TNFAIP8L1: variants seen among roughly 807,000 people sequenced by gnomAD.
TNFAIP8L1 encodes tumor necrosis factor alpha-induced protein 8-like protein 1.
For synonymous variants in TNFAIP8L1, 127 were observed against 125.6 expected, an observed-to-expected ratio of 1.01 and a Z score of -0.08; for missense variants, 225 against 266.1, an observed-to-expected ratio of 0.85 and a Z score of 1.08.
chr19:4,651,874 A>T lies in TNFAIP8L1; in HGVS notation c.5A>T (p.Asp2Val). The change falls in exon 2 of 2, where the codon GAC becomes GTC. Residue 2 changes from aspartate (D) to valine (V), a missense_variant. Physicochemically the swap from Asp to Val is radical, Grantham distance 152. Coordinates refer to ENST00000327473, the MANE Select transcript of TNFAIP8L1 (RefSeq NM_152362.3). ...GGTCTGTGTCCCCCGCAGGCCATGG[A>T]CACCTTCAGCACCAAGAGCCTGGCT... M[D>V]TFSTKSLALQ... 6.3e-7 allele frequency: 1 copy of T among 1,599,336 alleles called. No homozygotes were observed. Among genetic ancestry groups the T allele is most frequent in the Non-Finnish European group, 8.6e-7 (1 of 1,169,196 alleles).
Position 4,644,605 on chromosome 19 carries a change from A to ATTTTTT in TNFAIP8L1, c.-4+4996_-4+5001dup, listed in dbSNP as rs553560316. 5.9e-4 allele frequency among the ~76,000 whole-genome samples: 52 copies of ATTTTTT among 88,736 alleles called. 5 individuals are homozygous for ATTTTTT. Among genetic ancestry groups the ATTTTTT allele is most frequent in the African/African-American group, 1.6e-3 (33 of 20,774 alleles). The allele number at this position is 88,736 out of a possible 152,430, so 58.2% of individuals were successfully genotyped here. A position where few individuals can be genotyped will look rare whatever the true frequency, so the allele number is the denominator to read the frequency against. ...CCGGCTTGCAAGTCCTGAGTCATGG[A>ATTTTTT]TTTTTTTTTTTTTTTTTTTTTTTTT... On this transcript the variant is annotated intron_variant, in intron 1 of 1. Transcript: ENST00000327473.
chr19:4,640,745 C>G (rs1201231475), intron 1 of TNFAIP8L1: 1 of 152,358 alleles, frequency 6.6e-6, no homozygotes, highest in African/African-American at 2.4e-5. Flanking sequence ...GAGGTCCTCT[C>G]TCAGGGCCTT....
At chr19:4,651,392 C>T (rs989840224) in intron 1 of TNFAIP8L1, among the ~76,000 whole-genome samples, 5 of 151,686 alleles carry the variant, frequency 3.3e-5, no homozygotes, top group Non-Finnish European at 7.4e-5. Context: ...GTTGCCCAGG[C>T]TGGTCTCAAA....
intron 1 of TNFAIP8L1, among the ~76,000 whole-genome samples, chr19:4,643,789 G>T (rs987029253): frequency 6.6e-6 from 1 of 151,734 alleles, no homozygotes; most frequent in Non-Finnish European, 1.5e-5. Flanking sequence ...ACAAAACTTA[G>T]CCAGGCATGG....
rs1390040437 is a variant in TNFAIP8L1, at chr19:4,653,320, G to A, written c.*890G>A. On this transcript the variant is annotated 3_prime_UTR_variant, in exon 2 of 2. Transcript: ENST00000327473. ...CTCTGTCTCAAAAAAAGAAGCGGGG[G>A]AGTGGGGGATTGAGGCCACGTGCAG... is the stretch of plus-strand genomic sequence containing the variant. 2 of 166,734 alleles carry A rather than the reference G, an allele frequency of 1.2e-5. No homozygotes were observed. Among genetic ancestry groups the A allele is most frequent in the African/African-American group, 2.4e-5 (1 of 41,176 alleles). The allele number at this position is 166,734 out of a possible 1,614,324, so 10.3% of individuals were successfully genotyped here. A position where few individuals can be genotyped will look rare whatever the true frequency, so the allele number is the denominator to read the frequency against.
At chr19:4,642,828 G>A (rs895731452) in intron 1 of TNFAIP8L1, among the ~76,000 whole-genome samples, 1 of 152,072 alleles carries the variant, frequency 6.6e-6, no homozygotes, top group Non-Finnish European at 1.5e-5. Context: ...CCCAAGGGAG[G>A]TGGGAGCCAT....
rs779515578 is a variant in TNFAIP8L1, at chr19:4,652,441, C to T, written c.*11C>T. 80 of 1,494,772 alleles carry T rather than the reference C, an allele frequency of 5.4e-5. No individual in the cohort carries two copies. The African/African-American group carries it at 6.8e-4, about 13-fold the overall frequency. The allele number at this position is 1,494,772 out of a possible 1,614,324, so 92.6% of individuals were successfully genotyped here. A position where few individuals can be genotyped will look rare whatever the true frequency, so the allele number is the denominator to read the frequency against. On this transcript the variant is annotated 3_prime_UTR_variant, in exon 2 of 2. Transcript: ENST00000327473. The stretch of plus-strand genomic sequence containing the variant: ...GAGGGCAGCCTCTGAACCCCGGCGC[C>T]GCCCAACCGCGCCCCTCGCGCCTTT...
rs192070233 is a variant in TNFAIP8L1 at position 4,641,618 on chromosome 19, G to A, written c.-4+1989G>A. 1 of 152,332 alleles carries A rather than the reference G, an allele frequency of 6.6e-6. No homozygotes were observed. The highest frequency in any genetic ancestry group is 2.4e-5 in the African/African-American group (1 of 41,546). 9.4% of individuals were successfully genotyped at this position (152,332 alleles called of 1,614,324 possible). ...GTTTCCCCATCTGTCCAATGGGGCT[G>A]GTCATCTCCTTTTTCTTGTGGGGCT... On this transcript the variant is annotated intron_variant, in intron 1 of 1. Coordinates refer to ENST00000327473, the MANE Select transcript of TNFAIP8L1 (RefSeq NM_152362.3). This position sits in a 1 kb window ranked among gnomAD's most constrained non-coding sequence, Gnocchi z 4.6.
chr19:4,642,678 C>T (rs1346998741), intron 1 of TNFAIP8L1, among the ~76,000 whole-genome samples: 1 of 147,012 alleles, frequency 6.8e-6, no homozygotes, highest in African/African-American at 2.5e-5. Flanking sequence ...AAGATGGCGC[C>T]TGGCATGGTA....
intron 1 of TNFAIP8L1, among the ~76,000 whole-genome samples, chr19:4,642,644 C>T (rs952484758): frequency 6.7e-6 from 1 of 149,992 alleles, no homozygotes; most frequent in Non-Finnish European, 1.5e-5. Context: ...GCAGAGGGCA[C>T]AGGTTGTGTA....
intron 1 of TNFAIP8L1, chr19:4,640,111 G>C (rs1222880370): frequency 6.6e-6 from 1 of 152,314 alleles, no homozygotes; most frequent in Non-Finnish European, 1.5e-5. Context: ...GGCCTGTGGG[G>C]ACTTGGCCTC....
chr19:4,654,309 G>A lies in TNFAIP8L1; in HGVS notation c.*1879G>A, dbSNP rs968632885. 3.3e-5 allele frequency: 5 copies of A among 152,174 alleles called. No homozygotes were observed. The highest frequency in any genetic ancestry group is 4.4e-5 in the Non-Finnish European group (3 of 68,042). 9.4% of individuals were successfully genotyped at this position (152,174 alleles called of 1,614,324 possible). A position where few individuals can be genotyped will look rare whatever the true frequency, so the allele number is the denominator to read the frequency against. On this transcript the variant is annotated 3_prime_UTR_variant, in exon 2 of 2. Transcript: ENST00000327473. Reference sequence around the variant, plus strand: ...GGACGGAGCGTGCCCACCTCCCAGGGGTGAGGGGGGACCCACCTGAGATGT... The same window carrying A: ...GGACGGAGCGTGCCCACCTCCCAGGAGTGAGGGGGGACCCACCTGAGATGT...
chr19:4,639,943 A>AG (rs1185085517), intron 1 of TNFAIP8L1: 1 of 153,042 alleles, frequency 6.5e-6, no homozygotes, highest in African/African-American at 2.4e-5. Flanking sequence ...CAGAACCCTG[A>AG]GGGCATTCCA....
In TNFAIP8L1 at chr19:4,652,631, C is replaced by G. The variant is rs2088381254; in HGVS notation, c.*201C>G. ...TGTTTCAAACACCAATGTCACCTCT[C>G]CTCCTGGCCCCCGCCCAATGGGGAG... On this transcript the variant is annotated 3_prime_UTR_variant, in exon 2 of 2. Coordinates refer to ENST00000327473, the MANE Select transcript of TNFAIP8L1 (RefSeq NM_152362.3). The G allele has an allele frequency of 1.8e-6, 1 of 543,842 alleles. No homozygotes were observed. Among genetic ancestry groups the G allele is most frequent in the African/African-American group, 2.0e-5 (1 of 49,778 alleles). 33.7% of individuals were successfully genotyped at this position (543,842 alleles called of 1,614,324 possible). A position where few individuals can be genotyped will look rare whatever the true frequency, so the allele number is the denominator to read the frequency against.
intron 1 of TNFAIP8L1, among the ~76,000 whole-genome samples, chr19:4,647,782 C>A (rs2145169735): frequency 6.6e-6 from 1 of 151,972 alleles, no homozygotes; most frequent in South Asian, 2.1e-4. Flanking sequence ...GCCACCATGC[C>A]TGGCTAATTA....
chr19:4,652,418 G>C lies in TNFAIP8L1; in HGVS notation c.549G>C (p.Glu183Asp), dbSNP rs754189498. The C allele has an allele frequency of 4.6e-6, 7 of 1,527,740 alleles. No homozygotes were observed. In the South Asian group the frequency reaches 7.2e-5, roughly 16 times the overall value. The allele number at this position is 1,527,740 out of a possible 1,614,324, so 94.6% of individuals were successfully genotyped here. A position where few individuals can be genotyped will look rare whatever the true frequency, so the allele number is the denominator to read the frequency against. ...ICEGLGRMLD[E>D]GSL ...AGGGCCTGGGCCGGATGCTGGACGA[G>C]GGCAGCCTCTGAACCCCGGCGCCGC... The change falls in exon 2 of 2, where the codon GAG (glutamate) becomes GAC (aspartate). Residue 183 changes from glutamate (E) to aspartate (D), a missense_variant. Physicochemically the swap from Glu to Asp is conservative, Grantham distance 45. Coordinates refer to ENST00000327473, the MANE Select transcript of TNFAIP8L1 (RefSeq NM_152362.3).
intron 1 of TNFAIP8L1, among the ~76,000 whole-genome samples, chr19:4,650,231 CAGAGGAGGCAGAG>C (rs2145172124): frequency 1.3e-5 from 2 of 151,496 alleles, no homozygotes; most frequent in South Asian, 4.2e-4. Context: ...ACCTGCGGCT[CAGAGGAGGCAGAG>C]ACTTGGGGGC....
intron 1 of TNFAIP8L1, 111 bp downstream of exon 1, chr19:4,639,740 C>T (rs956909286): frequency 2.0e-5 from 3 of 152,416 alleles, no homozygotes; most frequent in Admixed American, 6.5e-5. Flanking sequence ...GCCTGTCCGT[C>T]TACATTCCTG....
intron 1 of TNFAIP8L1, among the ~76,000 whole-genome samples, chr19:4,651,083 C>T (rs1170856398): frequency 6.6e-6 from 1 of 152,040 alleles, no homozygotes; most frequent in African/African-American, 2.4e-5. Context: ...TAATGGGGCT[C>T]CTCCACCCTG....
Sources: gnomAD v4.1 joint callset for allele counts (sites outside exome capture counted in the v4.1 genomes callset) on GRCh38, gnomAD v4.1.1 for gene constraint, Gnocchi (gnomAD v3.1) non-coding constraint, MANE v1.5 for transcripts, NCBI Gene and HGNC (gene_info 2026-07-23, HGNC 2026-07-21) for gene names.